ABCC4: variants seen among roughly 807,000 people sequenced by gnomAD.
ABCC4 encodes ATP-binding cassette sub-family C member 4.
In ABCC4, 102 loss-of-function variants were observed where a neutral mutation model predicts 168.5. The ratio of observed to expected loss-of-function variants is 0.61; its 90% CI spans 0.52 to 0.71. The LOEUF (loss-of-function observed/expected upper bound fraction) is 0.71. ABCC4 is among the 30% of genes least tolerant of loss of function. The probability of loss-of-function intolerance (pLI) is 0.00; values close to 1 mark genes in which losing one functional copy is unlikely to be tolerated. For missense variants in ABCC4, 1,402 were observed against 1,605.8 expected (o/e 0.87, Z 2.17); for synonymous variants, 617 against 590.7 (o/e 1.04, Z -0.65).
chr13:95,044,894 G>C (rs1273626891), intron 27 of ABCC4, among the ~76,000 whole-genome samples: 1 of 152,114 alleles, frequency 6.6e-6, no homozygotes, highest in East Asian at 1.9e-4. Context: ...ACTGTAAATG[G>C]ACACAAGGAA....
intron 1 of ABCC4, among the ~76,000 whole-genome samples, chr13:95,287,385 A>C (rs1047593248): frequency 6.6e-6 from 1 of 151,862 alleles, no homozygotes; most frequent in Non-Finnish European, 1.5e-5. Context: ...TCAGGAGTTC[A>C]AGACCAGCCT....
intron 19 of ABCC4, among the ~76,000 whole-genome samples, chr13:95,128,582 C>T (rs2035861287): frequency 6.6e-6 from 1 of 152,180 alleles, no homozygotes; most frequent in South Asian, 2.1e-4. Context: ...CAGCTGACCA[C>T]ACCTACTTAC....
chr13:95,079,480 C>G (rs980731736), intron 21 of ABCC4, among the ~76,000 whole-genome samples: 4 of 152,178 alleles, frequency 2.6e-5, no homozygotes, highest in African/African-American at 9.7e-5. Flanking sequence ...CAAGCAGTCT[C>G]AGGCAACCCT....
rs1277207404 is a variant in ABCC4, at chr13:95,043,726, T to C, written c.3691A>G (p.Ile1231Val). 1.2e-6 allele frequency: 2 copies of C among 1,613,906 alleles called. No homozygotes were observed. Among genetic ancestry groups the C allele is most frequent in the Non-Finnish European group, 1.7e-6 (2 of 1,179,872 alleles). ...ATAATGGTGTTCAATCTGTGTGCAA[T>C]GGTTAGCACGGTGCAGTGGGCAAAT... is the stretch of plus-strand genomic sequence containing the variant. ...EKFAHCTVLT[I>V]AHRLNTIIDS... Residue 1231 changes from isoleucine (I) to valine (V), a missense_variant, in exon 29 of 31, where the codon ATT becomes GTT. Around this residue, in one of 3 missense-constraint regions of ABCC4, gnomAD observed 1,007 missense variants for 1,127.3 expected, o/e 0.89. Coordinates refer to ENST00000645237, the MANE Select transcript of ABCC4 (RefSeq NM_005845.5).
chr13:95,186,699 A>G lies in ABCC4; in HGVS notation c.1545+2T>C. On this transcript the variant is annotated splice_donor_variant, in intron 11 of 30. Transcript: ENST00000645237. LOFTEE classifies it high-confidence loss of function. ...ACATGAAATCCAAAAGTCATCACTC[A>G]CCTTTTTCAGAGCACAAGCCTTTAT... The G allele has an allele frequency of 6.2e-7, 1 of 1,611,250 alleles. No individual in the cohort carries two copies. The highest frequency in any genetic ancestry group is 8.5e-7 in the Non-Finnish European group (1 of 1,178,192).
chr13:95,163,666 CA>C lies in ABCC4; in HGVS notation c.2176-20del, dbSNP rs1441483818. 2.5e-6 allele frequency: 4 copies of C among 1,606,806 alleles called. No homozygotes were observed. The highest frequency in any genetic ancestry group is 1.1e-5 in the South Asian group (1 of 90,066). ...AGGCAACCTAGGAGGGGAGAAACAA[CA>C]AAGACAAAAATCAAACTTGGGCATG... On this transcript the variant is annotated intron_variant, in intron 16 of 30. Coordinates refer to ENST00000645237, the MANE Select transcript of ABCC4 (RefSeq NM_005845.5).
intron 19 of ABCC4, among the ~76,000 whole-genome samples, chr13:95,133,108 C>CTTTTTTTTT (rs761691210): frequency 2.7e-5 from 3 of 110,668 alleles, no homozygotes; most frequent in South Asian, 2.9e-4. Context: ...GATTTTAAAA[C>CTTTTTTTTT]TTTTTTTTTT....
intron 19 of ABCC4, among the ~76,000 whole-genome samples, chr13:95,126,865 T>G (rs530598811): frequency 6.8e-6 from 1 of 147,484 alleles, no homozygotes; most frequent in African/African-American, 2.5e-5. Context: ...TATTTATATA[T>G]ATTTAAGTAC....
chr13:95,026,439 C>A (rs2031548274), intron 30 of ABCC4, among the ~76,000 whole-genome samples: 2 of 152,054 alleles, frequency 1.3e-5, no homozygotes, highest in South Asian at 2.1e-4. Context: ...AAAACATATA[C>A]ATGATAGATA....
chr13:95,073,368 G>T (rs1421543460), intron 23 of ABCC4, 64 bp from the exon 24 acceptor site: 22 of 1,199,626 alleles, frequency 1.8e-5, no homozygotes, highest in Non-Finnish European at 2.2e-5. Flanking sequence ...GGCTCCTTCT[G>T]CCACTTACCA....
intron 19 of ABCC4, among the ~76,000 whole-genome samples, chr13:95,141,269 A>C (rs575328609): frequency 6.6e-6 from 1 of 152,232 alleles, no homozygotes; most frequent in Admixed American, 6.5e-5. Context: ...ATCAAATGTC[A>C]TGAGATGTAA....
chr13:95,041,155 CT>C (rs1343050611), intron 29 of ABCC4, among the ~76,000 whole-genome samples: 1 of 152,226 alleles, frequency 6.6e-6, no homozygotes, highest in Non-Finnish European at 1.5e-5. Flanking sequence ...CTGTCTTGCT[CT>C]ACTGTTTTGT....
chr13:95,099,639 G>T (rs2034728375), intron 20 of ABCC4, among the ~76,000 whole-genome samples: 1 of 152,146 alleles, frequency 6.6e-6, no homozygotes, highest in Non-Finnish European at 1.5e-5. Context: ...GGGTGGGAAA[G>T]GGCAAATGTG....
chr13:95,211,273 T>C (rs1277179810), intron 4 of ABCC4, among the ~76,000 whole-genome samples: 3 of 152,184 alleles, frequency 2.0e-5, no homozygotes, highest in Non-Finnish European at 4.4e-5. Context: ...GAGTATCAAC[T>C]ATCTGGAGGA....
intron 29 of ABCC4, among the ~76,000 whole-genome samples, chr13:95,038,068 T>G (rs766150891): frequency 6.6e-6 from 1 of 152,130 alleles, no homozygotes; most frequent in Non-Finnish European, 1.5e-5. Flanking sequence ...TTGCCCATGC[T>G]GGTTTTAAAC....
rs893469525 is a variant in ABCC4 at position 95,162,581 on chromosome 13, T to C, written c.2308+541A>G. Among the ~76,000 whole-genome samples the C allele has an allele frequency of 2.0e-5, 3 of 152,244 alleles. No individual in the cohort carries two copies. The South Asian group carries it at 6.2e-4, about 32-fold the overall frequency. ...GCATCCTAATTCCCAGACACTGGATTTTTCCCTGCTCAGCTTCCCTCTTAA... is the reference window on the plus strand; with the variant it reads ...GCATCCTAATTCCCAGACACTGGATCTTTCCCTGCTCAGCTTCCCTCTTAA... On this transcript the variant is annotated intron_variant, in intron 18 of 30. Transcript: ENST00000645237.
At chr13:95,149,120 G>C (rs1279535123) in intron 19 of ABCC4, among the ~76,000 whole-genome samples, 2 of 152,140 alleles carry the variant, frequency 1.3e-5, no homozygotes, top group Non-Finnish European at 2.9e-5. Context: ...CTGATGGCTG[G>C]ATTACACAGG....
At chr13:95,139,478 AG>A (rs1248024354) in intron 19 of ABCC4, among the ~76,000 whole-genome samples, 14 of 152,322 alleles carry the variant, frequency 9.2e-5, no homozygotes, top group South Asian at 8.3e-4. Context: ...CAAGCTGTGT[AG>A]GGGGTGAGCA....
intron 20 of ABCC4, among the ~76,000 whole-genome samples, chr13:95,093,945 T>C (rs1184572797): frequency 1.3e-5 from 2 of 151,674 alleles, no homozygotes; most frequent in East Asian, 3.9e-4. Context: ...TAAAATAAAA[T>C]AAAATACTTA....
Sources: allele counts gnomAD v4.1 joint callset (sites outside exome capture counted in the v4.1 genomes callset), GRCh38; gene constraint gnomAD v4.1.1; regional missense constraint gnomAD v4.1.1; transcripts MANE v1.5; gene names NCBI Gene and HGNC (gene_info 2026-07-23, HGNC 2026-07-21).